The following PRICKLE2 variants were observed in gnomAD, a reference collection of about 807,000 sequenced individuals.
The protein encoded by PRICKLE2 is prickle planar cell polarity protein 2, also known as prickle-like protein 2.
A neutral mutation model predicts 81.4 loss-of-function variants in PRICKLE2; 21 were observed. The ratio of observed to expected loss-of-function variants is 0.26; its 90% CI spans 0.18 to 0.37. PRICKLE2 has a LOEUF of 0.37. Ranked by LOEUF, PRICKLE2 falls within the 10% of genes least tolerant of loss-of-function variation. The pLI is 1.00. For missense variants in PRICKLE2, 940 were observed against 1,109.0 expected (o/e 0.85, Z 2.16); for synonymous variants, 456 against 421.5 (o/e 1.08, Z -1.00).
At chr3:64,226,063 T>C (rs1017222392), upstream of PRICKLE2, among the ~76,000 whole-genome samples, 1 of 152,066 alleles carries the variant, frequency 6.6e-6, no homozygotes, top group Middle Eastern at 3.2e-3. Context: ...CTTACCCCAA[T>C]TCCAACTGCA....
At chr3:64,257,310 C>T (rs188359779) in intron 2 of PRICKLE2, among the ~76,000 whole-genome samples, 12 of 152,318 alleles carry the variant, frequency 7.9e-5, no homozygotes, top group Middle Eastern at 3.4e-3. Flanking sequence ...CCCTTCTGTT[C>T]CCAACCCTCA....
chr3:64,204,626 G>A (rs943518827), intron 1 of PRICKLE2, among the ~76,000 whole-genome samples: 1 of 151,018 alleles, frequency 6.6e-6, no homozygotes, highest in East Asian at 1.9e-4. Flanking sequence ...AAGGAGGGGG[G>A]AAGAAAAGGA....
At chr3:64,249,726 G>A (rs994690062) in intron 2 of PRICKLE2, among the ~76,000 whole-genome samples, 2 of 152,168 alleles carry the variant, frequency 1.3e-5, no homozygotes, top group African/African-American at 2.4e-5. Flanking sequence ...CACCTTTTAA[G>A]GGCTACTTTA....
upstream of PRICKLE2, among the ~76,000 whole-genome samples, chr3:64,226,713 A>G (rs73832129): frequency 3.2e-4 from 49 of 152,394 alleles, no homozygotes; most frequent in African/African-American, 1.2e-3. Context: ...TGTTCCTAGC[A>G]TCTGAGTATT....
At chr3:64,120,283 T>A (rs1402570443) in intron 7 of PRICKLE2, among the ~76,000 whole-genome samples, 1 of 152,170 alleles carries the variant, frequency 6.6e-6, no homozygotes, top group Non-Finnish European at 1.5e-5. Flanking sequence ...AAGAATTAAG[T>A]TTTCAGATAA....
At chr3:64,199,110 G>A in intron 1 of PRICKLE2, 143 bp from the exon 2 acceptor site, 1 of 743,236 alleles carries the variant, frequency 1.3e-6, no homozygotes, top group Non-Finnish European at 2.3e-6. Flanking sequence ...CGCGAGCAGT[G>A]TTCCAGAACA....
At chr3:64,159,906 C>G in intron 4 of PRICKLE2, 34 bp downstream of exon 4, 1 of 1,613,264 alleles carries the variant, frequency 6.2e-7, no homozygotes, top group South Asian at 1.1e-5. Context: ...GATGCCAGAA[C>G]AATGCCTCTT....
At chr3:64,151,755 A>G (rs1326878886) in intron 6 of PRICKLE2, among the ~76,000 whole-genome samples, 1 of 152,162 alleles carries the variant, frequency 6.6e-6, no homozygotes, top group African/African-American at 2.4e-5. Context: ...CACTTGTCAC[A>G]ACTGATCTTC....
intron 7 of PRICKLE2, chr3:64,101,877 G>A (rs1205332635): frequency 2.0e-5 from 3 of 152,156 alleles, no homozygotes; most frequent in Non-Finnish European, 4.4e-5. Flanking sequence ...TAGTTGCAAG[G>A]GAAGAATTAG....
At chr3:64,165,872 T>C (rs1043087316) in intron 2 of PRICKLE2, among the ~76,000 whole-genome samples, 5 of 152,122 alleles carry the variant, frequency 3.3e-5, no homozygotes, top group African/African-American at 7.2e-5. Flanking sequence ...AAGCCACTTA[T>C]ATTAGTCAAA....
chr3:64,166,547 T>A (rs2077835991), intron 2 of PRICKLE2, among the ~76,000 whole-genome samples: 1 of 152,216 alleles, frequency 6.6e-6, no homozygotes, highest in Non-Finnish European at 1.5e-5. Context: ...TTCCTGGACA[T>A]CTTTTGTCAA....
intron 7 of PRICKLE2, among the ~76,000 whole-genome samples, chr3:64,134,597 T>TACAACCAAAAATGCCTCCAA (rs367716503): frequency 0.056 from 8,316 of 149,158 alleles, 219 homozygotes; most frequent in Admixed American, 0.094. Context: ...CCCCAGTTAT[T>TACAACCAAAAATGCCTCCAA]ACAACCAAAA....
chr3:64,155,434 T>A (rs564117616), intron 5 of PRICKLE2, among the ~76,000 whole-genome samples: 2 of 151,674 alleles, frequency 1.3e-5, no homozygotes, highest in Non-Finnish European at 2.9e-5. Flanking sequence ...CATTCATTGA[T>A]AGCAGGAATG....
At chr3:64,174,881 T>A in intron 2 of PRICKLE2, 1 of 212,458 alleles carries the variant, frequency 4.7e-6, no homozygotes. Context: ...ATTAAACACA[T>A]TTCCTGAGAC....
chr3:64,246,635 T>C (rs965011595), intron 2 of PRICKLE2, among the ~76,000 whole-genome samples: 1 of 152,084 alleles, frequency 6.6e-6, no homozygotes, highest in African/African-American at 2.4e-5. Flanking sequence ...GAGTCTGAGG[T>C]GGGTGGAGCT....
At chr3:64,106,435 G>T (rs1410201002) in intron 7 of PRICKLE2, among the ~76,000 whole-genome samples, 1 of 152,210 alleles carries the variant, frequency 6.6e-6, no homozygotes, top group African/African-American at 2.4e-5. Context: ...TGTATGACCT[G>T]CAAAGACTCA....
At chr3:64,252,035 C>A (rs1187747376) in intron 2 of PRICKLE2, among the ~76,000 whole-genome samples, 2 of 152,092 alleles carry the variant, frequency 1.3e-5, no homozygotes, top group Non-Finnish European at 2.9e-5. Context: ...TGGGTGAATT[C>A]ACATTTTAAT....
chr3:64,180,827 A>G (rs1409751971), intron 2 of PRICKLE2, among the ~76,000 whole-genome samples: 1 of 152,126 alleles, frequency 6.6e-6, no homozygotes, highest in Non-Finnish European at 1.5e-5. Flanking sequence ...GCCACCGCCC[A>G]GCTGAGAGTG....
chr3:64,176,147 T>C (rs1199780704), intron 2 of PRICKLE2, among the ~76,000 whole-genome samples: 1 of 152,184 alleles, frequency 6.6e-6, no homozygotes, highest in African/African-American at 2.4e-5. Flanking sequence ...AACCTCCTAT[T>C]TATAATTCCT....
Sources: allele counts gnomAD v4.1 joint callset (sites outside exome capture counted in the v4.1 genomes callset), GRCh38; gene constraint gnomAD v4.1.1; transcripts MANE v1.5; gene names NCBI Gene and HGNC (gene_info 2026-07-23, HGNC 2026-07-21).